The following DMD variants were observed in gnomAD, a reference collection of about 807,000 sequenced individuals.
The protein encoded by DMD is mutant dystrophin.
A neutral mutation model predicts 330.1 loss-of-function variants in DMD; 63 were observed. That is an observed-to-expected ratio of 0.19 (90% CI 0.16 to 0.24). The LOEUF (loss-of-function observed/expected upper bound fraction) is 0.24, where lower values mean the gene tolerates loss of function less well. DMD is among the 10% of genes least tolerant of loss of function. The pLI, the probability that DMD is intolerant of heterozygous loss-of-function variation, is 1.00. For synonymous variants in DMD, 1,223 were observed against 959.8 expected, an observed-to-expected ratio of 1.27 and a Z score of -5.07; for missense variants, 3,344 against 2,684.1, an observed-to-expected ratio of 1.25 and a Z score of -5.43.
At chrX:31,429,348 C>T (rs2063902869) in intron 60 of DMD, among the ~76,000 whole-genome samples, 1 of 111,310 alleles carries the variant, frequency 9.0e-6, no homozygotes, top group African/African-American at 3.3e-5. Context: ...AGATAGTAGC[C>T]AAAGCTGAAT....
chrX:32,397,369 T>C (rs775059666), intron 30 of DMD, among the ~76,000 whole-genome samples: 30 of 111,941 alleles, frequency 2.7e-4, no homozygotes, highest in African/African-American at 9.0e-4. Flanking sequence ...TGAGAGGACA[T>C]AGCAAATCAC....
chrX:33,253,483 C>T (rs988548263), intron 1 of DMD, among the ~76,000 whole-genome samples: 2 of 110,971 alleles, frequency 1.8e-5, no homozygotes. Flanking sequence ...TTTATTAATG[C>T]TAAAAATAGA....
At chrX:33,281,194 T>C (rs2053324954) in intron 1 of DMD, among the ~76,000 whole-genome samples, 2 of 104,357 alleles carry the variant, frequency 1.9e-5, no homozygotes, top group South Asian at 8.7e-4. Flanking sequence ...TTTGCAGAAA[T>C]CATAAATGCT....
intron 43 of DMD, among the ~76,000 whole-genome samples, chrX:32,259,039 G>A (rs1229901503): frequency 9.0e-6 from 1 of 110,801 alleles, no homozygotes; most frequent in Non-Finnish European, 1.9e-5. Flanking sequence ...AATGAATATA[G>A]ACAGGAGTGG....
chrX:31,764,432 A>G (rs1267696735), intron 51 of DMD, among the ~76,000 whole-genome samples: 1 of 111,685 alleles, frequency 9.0e-6, no homozygotes, highest in Non-Finnish European at 1.9e-5. Flanking sequence ...ATAATATAAC[A>G]TGACAGAAAG....
At chrX:32,152,809 T>C (rs987464235) in intron 44 of DMD, among the ~76,000 whole-genome samples, 1 of 111,935 alleles carries the variant, frequency 8.9e-6, no homozygotes, top group African/African-American at 3.2e-5. Flanking sequence ...CCAATGACTC[T>C]GGCACGTTTA....
At chrX:32,898,990 C>T (rs2085978986) in intron 2 of DMD, among the ~76,000 whole-genome samples, 1 of 111,988 alleles carries the variant, frequency 8.9e-6, no homozygotes, top group Non-Finnish European at 1.9e-5. Context: ...AACATGCACA[C>T]ATAAAAAAAA....
intron 1 of DMD, chrX:33,339,168 A>G: frequency 1.1e-6 from 1 of 938,120 alleles, no homozygotes; most frequent in Non-Finnish European, 1.4e-6. Flanking sequence ...AACAAACCCC[A>G]GCTACCAACA....
intron 1 of DMD, among the ~76,000 whole-genome samples, chrX:33,188,438 C>T (rs1365130175): frequency 9.0e-6 from 1 of 110,520 alleles, no homozygotes. Context: ...TGCTATTGTA[C>T]TTCCCACAAA....
At position 32,894,552 on chromosome X, in the gene DMD, A is replaced by C. The variant is rs1017088348; in HGVS notation, c.94-44732T>G. Reference sequence around the variant, plus strand: ...TGCCCTTAATGACGTTCACCTGGCAACCTTCATCCAACCCAAAACTCGGGG... The same window carrying C: ...TGCCCTTAATGACGTTCACCTGGCACCCTTCATCCAACCCAAAACTCGGGG... On this transcript the variant is annotated intron_variant, in intron 2 of 78. Coordinates refer to ENST00000357033, the MANE Select transcript of DMD (RefSeq NM_004006.3). Among the ~76,000 whole-genome samples the C allele has an allele frequency of 8.9e-5, 10 of 112,477 alleles. No individual in the cohort carries two copies. The Admixed American group carries it at 9.3e-4, about 10-fold the overall frequency.
chrX:33,257,307 AT>A (rs953632593), intron 1 of DMD, among the ~76,000 whole-genome samples: 8 of 110,377 alleles, frequency 7.2e-5, no homozygotes, highest in Middle Eastern at 4.7e-3. Context: ...CCTCCCTCCA[AT>A]TTTTTTTAGC....
At chrX:33,269,815 T>C (rs1229627567) in intron 1 of DMD, among the ~76,000 whole-genome samples, 1 of 111,102 alleles carries the variant, frequency 9.0e-6, no homozygotes, top group Non-Finnish European at 1.9e-5. Context: ...CTTTACTGCA[T>C]TTTATGAGTA....
intron 44 of DMD, among the ~76,000 whole-genome samples, chrX:32,087,570 C>G (rs1438032763): frequency 9.0e-6 from 1 of 111,460 alleles, no homozygotes; most frequent in Non-Finnish European, 1.9e-5. Context: ...GAATTTTTGC[C>G]CTGATATTGA....
At chrX:32,311,035 T>C (rs2097560360) in intron 41 of DMD, among the ~76,000 whole-genome samples, 1 of 110,642 alleles carries the variant, frequency 9.0e-6, no homozygotes, top group African/African-American at 3.3e-5. Context: ...TTTTGGAGTT[T>C]CCCAGTAATA....
At chrX:33,133,697 C>G (rs1421552163) in intron 1 of DMD, among the ~76,000 whole-genome samples, 1 of 112,052 alleles carries the variant, frequency 8.9e-6, no homozygotes, top group Non-Finnish European at 1.9e-5. Flanking sequence ...GAGGAACTTT[C>G]ATTTCAGTAA....
Position 32,829,586 on chromosome X carries a change from T to A in DMD, c.265-6199A>T, listed in dbSNP as rs760243739. Among the ~76,000 whole-genome samples, 3 of 111,938 alleles carry A rather than the reference T, an allele frequency of 2.7e-5. No homozygotes were observed. The South Asian group carries it at 1.1e-3, about 41-fold the overall frequency. On this transcript the variant is annotated intron_variant, in intron 4 of 78. Coordinates refer to ENST00000357033, the MANE Select transcript of DMD (RefSeq NM_004006.3). ...TTTGAATGGATTATTCTTATTCAAT[T>A]TTCTACGTTGAATACAATTTTTATT...
chrX:31,839,736 A>G (rs1414890425), intron 48 of DMD, among the ~76,000 whole-genome samples: 1 of 111,897 alleles, frequency 8.9e-6, no homozygotes, highest in East Asian at 2.8e-4. Context: ...TTTAATCTCC[A>G]TCTAGCAATC....
chrX:32,502,716 C>G (rs1184686708), intron 18 of DMD, among the ~76,000 whole-genome samples: 3 of 112,091 alleles, frequency 2.7e-5, no homozygotes, highest in Admixed American at 1.9e-4. Flanking sequence ...AAAGATTTCT[C>G]TTGAATTTGA....
intron 17 of DMD, among the ~76,000 whole-genome samples, chrX:32,534,054 GAAGT>G (rs2047723043): frequency 8.9e-6 from 1 of 112,165 alleles, no homozygotes; most frequent in African/African-American, 3.2e-5. Context: ...AGTCAAAACA[GAAGT>G]AATACTCATT....
Sources: allele counts gnomAD v4.1 joint callset (sites outside exome capture counted in the v4.1 genomes callset), GRCh38; gene constraint gnomAD v4.1.1; transcripts MANE v1.5; gene names NCBI Gene and HGNC (gene_info 2026-07-23, HGNC 2026-07-21).